EPB41L3: variants seen among roughly 807,000 people sequenced by gnomAD.
The protein encoded by EPB41L3 is erythrocyte membrane protein band 4.1 like 3, also known as band 4.1-like protein 3.
Under a neutral mutation model 127.1 loss-of-function variants are expected in EPB41L3, and 57 were observed. That is an observed-to-expected ratio of 0.45 (90% CI 0.36 to 0.56). The LOEUF (loss-of-function observed/expected upper bound fraction) is 0.56. EPB41L3 is among the 20% of genes least tolerant of loss of function. The pLI is 0.00. For missense variants in EPB41L3, 1,273 were observed against 1,372.2 expected (o/e 0.93, Z 1.14); for synonymous variants, 572 against 549.5 (o/e 1.04, Z -0.57).
intron 2 of EPB41L3, among the ~76,000 whole-genome samples, chr18:5,486,164 T>C: frequency 6.6e-6 from 1 of 152,016 alleles, no homozygotes; most frequent in Non-Finnish European, 1.5e-5. Context: ...TGGAACAGAA[T>C]AGAGAATCCA....
chr18:5,611,766 A>C (rs1009175980), intron 3 of EPB41L3, among the ~76,000 whole-genome samples: 42 of 152,110 alleles, frequency 2.8e-4, no homozygotes, highest in African/African-American at 9.9e-4. Context: ...TGTCTCTACA[A>C]AAAATTTTTA....
intron 1 of EPB41L3, among the ~76,000 whole-genome samples, chr18:5,540,883 G>A (rs891571299): frequency 6.6e-6 from 1 of 151,972 alleles, no homozygotes; most frequent in Admixed American, 6.6e-5. Context: ...AGGAGATCGA[G>A]ACCATCCTGG....
At chr18:5,627,477 A>C (rs558464996) in intron 1 of EPB41L3, among the ~76,000 whole-genome samples, 11 of 152,194 alleles carry the variant, frequency 7.2e-5, no homozygotes, top group Non-Finnish European at 1.2e-4. Flanking sequence ...CCAATATCTT[A>C]AGTGCCTTCT....
intron 5 of EPB41L3, among the ~76,000 whole-genome samples, chr18:5,442,922 A>G (rs1485773317): frequency 2.0e-5 from 3 of 152,200 alleles, no homozygotes; most frequent in African/African-American, 7.2e-5. Flanking sequence ...ATTATGCTAT[A>G]GATAATATTT....
At chr18:5,510,658 G>A (rs143748088) in intron 1 of EPB41L3, among the ~76,000 whole-genome samples, 48 of 152,296 alleles carry the variant, frequency 3.2e-4, no homozygotes, top group African/African-American at 1.1e-3. Flanking sequence ...TTCTTGGAAC[G>A]TCTGCGGCAC....
chr18:5,423,329 C>A lies in EPB41L3; in HGVS notation c.1339+49G>T, dbSNP rs761185910. 6 of 1,475,486 alleles carry A rather than the reference C, an allele frequency of 4.1e-6. No homozygotes were observed. In the South Asian group the frequency reaches 7.2e-5, roughly 18 times the overall value. The allele number at this position is 1,475,486 out of a possible 1,614,324, so 91.4% of individuals were successfully genotyped here. A position where few individuals can be genotyped will look rare whatever the true frequency, so the allele number is the denominator to read the frequency against. On this transcript the variant is annotated intron_variant, in intron 11 of 22. Coordinates refer to ENST00000341928, the MANE Select transcript of EPB41L3 (RefSeq NM_012307.5). Reference sequence around the variant, plus strand: ...TGAAAGCTCATGACAGTTTCACATTCTTTTTGGGGTAGGTACTAGGTTATT... The same window carrying A: ...TGAAAGCTCATGACAGTTTCACATTATTTTTGGGGTAGGTACTAGGTTATT...
chr18:5,458,045 T>G (rs1218612920), intron 3 of EPB41L3, among the ~76,000 whole-genome samples: 1 of 152,134 alleles, frequency 6.6e-6, no homozygotes, highest in Non-Finnish European at 1.5e-5. Flanking sequence ...TTTAAAAATA[T>G]CAAAGAAAAT....
Position 5,448,368 on chromosome 18 carries a change from A to AT in EPB41L3, c.382-3125dup, listed in dbSNP as rs925326215. Among the ~76,000 whole-genome samples the AT allele has an allele frequency of 1.5e-4, 23 of 151,616 alleles. 1 individual carries two copies. Among genetic ancestry groups the AT allele is most frequent in the East Asian group, 7.7e-4 (4 of 5,162 alleles). On this transcript the variant is annotated intron_variant, in intron 3 of 22. Coordinates refer to ENST00000341928, the MANE Select transcript of EPB41L3 (RefSeq NM_012307.5). ...TGTCTTGATTCTTCTAACCCAGATG[A>AT]TTTTTTTTTCTAGCATATTATTCAA...
At position 5,576,187 on chromosome 18, in the gene EPB41L3, T is replaced by G. The variant is rs1009327598; in HGVS notation, c.-306+36153A>C. Among the ~76,000 whole-genome samples the G allele has an allele frequency of 2.0e-5, 3 of 152,310 alleles. No homozygotes were observed. In the South Asian group the frequency reaches 6.2e-4, roughly 32 times the overall value. On this transcript the variant is annotated intron_variant, in intron 3 of 21. Coordinates refer to the EPB41L3 transcript ENST00000545076. ...CTAGAATTATCGAAAAATTAGACATTTAAAGGAAAATTAGACACTTAAAGA... is the reference window on the plus strand; with the variant it reads ...CTAGAATTATCGAAAAATTAGACATGTAAAGGAAAATTAGACACTTAAAGA...
chr18:5,566,748 T>TTCCATTCC (rs1599015201), intron 3 of EPB41L3, among the ~76,000 whole-genome samples: 1 of 134,370 alleles, frequency 7.4e-6, no homozygotes, highest in East Asian at 2.4e-4. Context: ...TATTCTATTC[T>TTCCATTCC]ATTCTATTCT....
At chr18:5,560,974 TATTTATTTATTTATTTA>T (rs1183136033) in intron 3 of EPB41L3, among the ~76,000 whole-genome samples, 13 of 144,916 alleles carry the variant, frequency 9.0e-5, no homozygotes, top group African/African-American at 3.0e-4. Flanking sequence ...TTTATTTATT[TATTTATTTATTTATTTA>T]TTTTGAGATG....
intron 1 of EPB41L3, among the ~76,000 whole-genome samples, chr18:5,516,813 A>G (rs2092770156): frequency 1.3e-5 from 2 of 152,226 alleles, no homozygotes; most frequent in Non-Finnish European, 2.9e-5. Flanking sequence ...GAACAGTTAA[A>G]ACCAGAGTAT....
At chr18:5,519,971 G>A (rs2092920160) in intron 1 of EPB41L3, among the ~76,000 whole-genome samples, 1 of 152,206 alleles carries the variant, frequency 6.6e-6, no homozygotes, top group Non-Finnish European at 1.5e-5. Context: ...AGCAGCAACT[G>A]ATTCTCAGGA....
At chr18:5,453,241 T>TA (rs2082537800) in intron 3 of EPB41L3, among the ~76,000 whole-genome samples, 1 of 152,194 alleles carries the variant, frequency 6.6e-6, no homozygotes, top group South Asian at 2.1e-4. Flanking sequence ...CAGCTGAAAT[T>TA]AGAGAAATCT....
chr18:5,622,582 G>GT (rs747734657), intron 1 of EPB41L3, among the ~76,000 whole-genome samples: 222 of 152,064 alleles, frequency 1.5e-3, no homozygotes, highest in African/African-American at 4.9e-3. Context: ...CAGGCTACAT[G>GT]TTTTTTTTAA....
intron 1 of EPB41L3, among the ~76,000 whole-genome samples, chr18:5,627,471 T>C (rs184257071): frequency 2.6e-5 from 4 of 152,352 alleles, no homozygotes; most frequent in African/African-American, 9.6e-5. Flanking sequence ...AAATTTCCAA[T>C]ATCTTAAGTG....
At chr18:5,462,531 G>A (rs114023293) in intron 3 of EPB41L3, among the ~76,000 whole-genome samples, 3,304 of 152,110 alleles carry the variant, frequency 0.022, 62 homozygotes, top group South Asian at 0.096. Context: ...ACCCTCATAC[G>A]GTCACAATCA....
At chr18:5,454,029 A>G (rs2082662160) in intron 3 of EPB41L3, among the ~76,000 whole-genome samples, 1 of 152,144 alleles carries the variant, frequency 6.6e-6, no homozygotes, top group Admixed American at 6.5e-5. Context: ...TCAAGGATGG[A>G]GACTCTAAAG....
chr18:5,589,153 A>G (rs559574303), intron 3 of EPB41L3, among the ~76,000 whole-genome samples: 126 of 152,242 alleles, frequency 8.3e-4, no homozygotes, highest in Non-Finnish European at 1.5e-3. Context: ...CTTTCCATTG[A>G]GGAGAATTCA....
Sources: gnomAD v4.1 joint callset for allele counts (sites outside exome capture counted in the v4.1 genomes callset) on GRCh38, gnomAD v4.1.1 for gene constraint, MANE v1.5 for transcripts, NCBI Gene and HGNC (gene_info 2026-07-23, HGNC 2026-07-21) for gene names.